CNBD2: variants seen among roughly 807,000 people sequenced by gnomAD.
The protein encoded by CNBD2 is cyclic nucleotide-binding domain-containing protein 2.
In CNBD2, 64 loss-of-function variants were observed where a neutral mutation model predicts 63.7. That is an observed-to-expected ratio of 1.00 (90% CI 0.82 to 1.24). The LOEUF is 1.24. Among genes scored for constraint, CNBD2 ranks in the 50% most tolerant of loss-of-function variants. The pLI is 0.00. For synonymous variants in CNBD2, 229 were observed against 255.4 expected, an observed-to-expected ratio of 0.90 and a Z score of 0.99; for missense variants, 691 against 713.5, an observed-to-expected ratio of 0.97 and a Z score of 0.36.
At chr20:36,001,803 G>A (rs1240871092) in intron 8 of CNBD2, among the ~76,000 whole-genome samples, 3 of 151,504 alleles carry the variant, frequency 2.0e-5, no homozygotes, top group Non-Finnish European at 4.4e-5. Flanking sequence ...ACGATGGGCG[G>A]CCGGGCAGAG....
At chr20:35,991,952 C>G (rs376222175) in intron 7 of CNBD2, among the ~76,000 whole-genome samples, 4 of 152,136 alleles carry the variant, frequency 2.6e-5, no homozygotes, top group African/African-American at 7.2e-5. Flanking sequence ...ACGATCTTGG[C>G]TCACTGCAAC....
chr20:36,008,465 C>G lies in CNBD2; in HGVS notation c.1139C>G (p.Pro380Arg). 2 of 1,610,224 alleles carry G rather than the reference C, an allele frequency of 1.2e-6. No homozygotes were observed. The highest frequency in any genetic ancestry group is 1.1e-5 in the South Asian group (1 of 90,354). Residue 380 changes from proline to arginine, a missense_variant, in exon 9 of 12, where the codon CCG (proline) becomes CGG (arginine). By Grantham distance (103) the Pro-to-Arg change is moderately radical. Coordinates refer to ENST00000373973, the MANE Select transcript of CNBD2 (RefSeq NM_001365709.1). Reference sequence around the variant, plus strand: ...GACACTCTCCCCAAGATGCTGGGCCCGAAGATCCAGTAAGCTCAGCCCTGG... The same window carrying G: ...GACACTCTCCCCAAGATGCTGGGCCGGAAGATCCAGTAAGCTCAGCCCTGG... ...SGDTLPKMLGPKIQSRPAQSI... is the reference protein window; with the variant it reads ...SGDTLPKMLGRKIQSRPAQSI...
chr20:35,976,334 G>C (rs2056518228), intron 3 of CNBD2, among the ~76,000 whole-genome samples: 1 of 152,208 alleles, frequency 6.6e-6, no homozygotes, highest in African/African-American at 2.4e-5. Context: ...CCCAGAGAGA[G>C]GAAGAATTCA....
In CNBD2 at chr20:35,979,052, T is replaced by C. The variant is rs531051268; in HGVS notation, c.244-1407T>C. ...CTAATTTTGGGTAGTGGGATTATGG[T>C]CAGTCATTCTTTCTTGATCCTTCAT... is the stretch of plus-strand genomic sequence containing the variant. On this transcript the variant is annotated intron_variant, in intron 3 of 11. Transcript: ENST00000373973. 1.6e-4 allele frequency among the ~76,000 whole-genome samples: 25 copies of C among 152,328 alleles called. 1 individual carries two copies. Among genetic ancestry groups the C allele is most frequent in the South Asian group, 8.3e-4 (4 of 4,828 alleles).
Position 35,983,270 on chromosome 20 carries a change from C to T in CNBD2, c.408-712C>T, listed in dbSNP as rs185464447. On this transcript the variant is annotated intron_variant, in intron 4 of 11. Coordinates refer to ENST00000373973, the MANE Select transcript of CNBD2 (RefSeq NM_001365709.1). Reference sequence around the variant, plus strand: ...AGGCGTGTGCCACCACACCTGGCCTCACGGTACCTAACAGACACCACTGAT... The same window carrying T: ...AGGCGTGTGCCACCACACCTGGCCTTACGGTACCTAACAGACACCACTGAT... 2.0e-5 allele frequency among the ~76,000 whole-genome samples: 3 copies of T among 152,056 alleles called. No individual in the cohort carries two copies. The East Asian group carries it at 5.9e-4, about 30-fold the overall frequency.
chr20:36,007,199 AAT>A (rs2056997159), intron 8 of CNBD2, among the ~76,000 whole-genome samples: 2 of 152,000 alleles, frequency 1.3e-5, no homozygotes, highest in African/African-American at 4.8e-5. Context: ...AAAATAAATA[AAT>A]AAATAAATAA....
At chr20:36,022,573 G>T (rs1414790219) in intron 10 of CNBD2, among the ~76,000 whole-genome samples, 1 of 151,976 alleles carries the variant, frequency 6.6e-6, no homozygotes, top group Non-Finnish European at 1.5e-5. Flanking sequence ...GACCTCAGGT[G>T]ATCAGCCTGC....
chr20:35,977,130 C>G lies in CNBD2; in HGVS notation c.243+1128C>G, dbSNP rs536677066. Among the ~76,000 whole-genome samples, 6 of 152,352 alleles carry G rather than the reference C, an allele frequency of 3.9e-5. No individual in the cohort carries two copies. In the South Asian group the frequency reaches 1.0e-3, roughly 26 times the overall value. On this transcript the variant is annotated intron_variant, in intron 3 of 11. Coordinates refer to ENST00000373973, the MANE Select transcript of CNBD2 (RefSeq NM_001365709.1). ...CAGGCAGGAGAAACTAGGGGCCTAT[C>G]TGAGAGCCACAGAACTCTAGATATG...
intron 11 of CNBD2, among the ~76,000 whole-genome samples, chr20:36,029,377 T>A (rs997595748): frequency 6.6e-6 from 1 of 152,056 alleles, no homozygotes; most frequent in African/African-American, 2.4e-5. Flanking sequence ...AAATTGAGAG[T>A]TAATGGAACT....
chr20:35,998,562 T>G (rs2056856347), intron 8 of CNBD2, among the ~76,000 whole-genome samples: 2 of 152,134 alleles, frequency 1.3e-5, no homozygotes, highest in African/African-American at 4.8e-5. Context: ...ACTTTCTGTC[T>G]ACTTGCTCTA....
At chr20:36,001,135 C>T (rs898024915) in intron 8 of CNBD2, among the ~76,000 whole-genome samples, 3 of 152,074 alleles carry the variant, frequency 2.0e-5, no homozygotes, top group Non-Finnish European at 2.9e-5. Context: ...CCATGTCTAC[C>T]TCTTTCTACA....
chr20:36,028,168 G>T (rs931780643), intron 11 of CNBD2, among the ~76,000 whole-genome samples: 5 of 152,132 alleles, frequency 3.3e-5, no homozygotes, highest in Non-Finnish European at 7.3e-5. Context: ...AGGAGCCTTA[G>T]CTCCTTGCAT....
downstream of CNBD2, among the ~76,000 whole-genome samples, chr20:35,956,678 AG>A (rs1271950744): frequency 1.3e-5 from 2 of 152,218 alleles, no homozygotes; most frequent in Admixed American, 1.3e-4. Context: ...TGCTGCCCAG[AG>A]TGACCAACAG....
At chr20:35,982,830 A>G (rs1458339740) in intron 4 of CNBD2, among the ~76,000 whole-genome samples, 1 of 151,780 alleles carries the variant, frequency 6.6e-6, no homozygotes, top group African/African-American at 2.4e-5. Flanking sequence ...TTCCCACCTC[A>G]GCCTTACAGG....
intron 9 of CNBD2, among the ~76,000 whole-genome samples, chr20:36,009,406 A>G (rs1205110306): frequency 6.6e-6 from 1 of 151,564 alleles, no homozygotes; most frequent in Non-Finnish European, 1.5e-5. Context: ...GTTTCACCGT[A>G]TTAGCCAGGA....
chr20:35,973,522 G>C (rs979519905), intron 2 of CNBD2: 1 of 152,106 alleles, frequency 6.6e-6, no homozygotes, highest in Admixed American at 6.6e-5. Flanking sequence ...CCATTCTCCT[G>C]CCTCAGCCTC....
chr20:35,962,449 A>T (rs929830503), intron 2 of CNBD2, among the ~76,000 whole-genome samples: 1 of 151,856 alleles, frequency 6.6e-6, no homozygotes. Context: ...TTTGATAGAG[A>T]TGGGGTTTCA....
intron 10 of CNBD2, among the ~76,000 whole-genome samples, chr20:36,014,950 T>C (rs1200689541): frequency 6.6e-6 from 1 of 152,188 alleles, no homozygotes. Flanking sequence ...CTGTTTTTCA[T>C]GATGGCTGTA....
intron 7 of CNBD2, among the ~76,000 whole-genome samples, chr20:35,988,353 T>C (rs2056697674): frequency 6.6e-6 from 1 of 151,724 alleles, no homozygotes; most frequent in Non-Finnish European, 1.5e-5. Flanking sequence ...GTATTTTTAG[T>C]AGAGATGGGG....
Sources: allele counts gnomAD v4.1 joint callset (sites outside exome capture counted in the v4.1 genomes callset), GRCh38; gene constraint gnomAD v4.1.1; transcripts MANE v1.5; gene names NCBI Gene and HGNC (gene_info 2026-07-23, HGNC 2026-07-21).